The following RASA2 variants were observed in gnomAD, a reference collection of about 807,000 sequenced individuals.
RASA2 encodes the protein ras GTPase-activating protein 2.
RASA2 carries 155 observed loss-of-function variants against 118.2 expected under a neutral mutation model. The observed-to-expected ratio is 1.31, with a 90% CI of 1.15 to 1.50. RASA2 has a LOEUF of 1.50. RASA2 is among the 40% of genes most tolerant of loss of function. The probability of loss-of-function intolerance (pLI) is 0.00; values close to 1 mark genes in which losing one functional copy is unlikely to be tolerated. For synonymous variants in RASA2, 353 were observed against 349.1 expected (o/e 1.01, Z -0.12); for missense variants, 1,016 against 1,009.6 (o/e 1.01, Z -0.09).
chr3:141,536,390 A>G (rs572277289), intron 4 of RASA2, among the ~76,000 whole-genome samples: 22 of 152,278 alleles, frequency 1.4e-4, no homozygotes, highest in Non-Finnish European at 7.4e-5. Context: ...CCCACAACAC[A>G]TGGGAATTCT....
chr3:141,490,931 T>G (rs1364077036), intron 1 of RASA2, among the ~76,000 whole-genome samples: 1 of 152,194 alleles, frequency 6.6e-6, no homozygotes, highest in Non-Finnish European at 1.5e-5. Context: ...CTGCTCTTTC[T>G]CACTCCCCAG....
intron 19 of RASA2, among the ~76,000 whole-genome samples, chr3:141,603,555 G>C (rs2107796415): frequency 6.6e-6 from 1 of 151,990 alleles, no homozygotes; most frequent in Middle Eastern, 3.4e-3. Flanking sequence ...TGGGTGATGA[G>C]AGCAAAACTC....
intron 3 of RASA2, among the ~76,000 whole-genome samples, chr3:141,520,150 T>C (rs59251956): frequency 0.015 from 2,316 of 151,682 alleles, 60 homozygotes; most frequent in African/African-American, 0.053. Flanking sequence ...GTAGCTGGGA[T>C]TACAGGCATG....
intron 11 of RASA2, among the ~76,000 whole-genome samples, 167 bp downstream of exon 11, chr3:141,571,721 A>G (rs998402868): frequency 3.3e-5 from 5 of 152,344 alleles, no homozygotes; most frequent in Admixed American, 2.6e-4. Flanking sequence ...GCTATCAAAC[A>G]GTATTCACCT....
intron 9 of RASA2, 25 bp downstream of exon 9, chr3:141,560,020 C>T: frequency 6.4e-7 from 1 of 1,555,576 alleles, no homozygotes; most frequent in Non-Finnish European, 8.9e-7. Context: ...TTTTAGTGAA[C>T]TCCATAGTTT....
chr3:141,606,437 T>C (rs951327097), intron 19 of RASA2, among the ~76,000 whole-genome samples: 1 of 152,234 alleles, frequency 6.6e-6, no homozygotes. Context: ...CCTCAGTTTA[T>C]TTTCATTGTA....
At chr3:141,570,886 T>C in intron 9 of RASA2, 26 bp from the exon 10 acceptor site, 1 of 1,584,960 alleles carries the variant, frequency 6.3e-7, no homozygotes. Context: ...TTCCATCACA[T>C]GGAATCACTT....
At chr3:141,588,983 A>C (rs1299939690) in intron 19 of RASA2, among the ~76,000 whole-genome samples, 2 of 151,876 alleles carry the variant, frequency 1.3e-5, no homozygotes, top group Non-Finnish European at 2.9e-5. Context: ...CTGGGATTAC[A>C]GGCGCCCGCC....
Position 141,586,692 on chromosome 3 carries a change from A to G in RASA2, c.1873A>G (p.Asn625Asp). 1.2e-6 allele frequency: 2 copies of G among 1,613,710 alleles called. No individual in the cohort carries two copies. The highest frequency in any genetic ancestry group is 1.7e-6 in the Non-Finnish European group (2 of 1,179,766). Residue 625 changes from asparagine to aspartate, a missense_variant, in exon 19 of 24, where the codon AAT becomes GAT. Physicochemically the swap from Asn to Asp is conservative, Grantham distance 23 (BLOSUM62 1). This residue lies in a region of RASA2 where 896 missense variants were observed against 836.4 expected (regional missense o/e 1.07). Transcript: ENST00000286364. ...AQGRTRIGKK[N>D]FKKRWFCLTS... Reference sequence around the variant, plus strand: ...AGGAAGAACTCGGATTGGAAAAAAGAATTTTAAGAAACGATGGTTCTGCTT... The same window carrying G: ...AGGAAGAACTCGGATTGGAAAAAAGGATTTTAAGAAACGATGGTTCTGCTT...
chr3:141,576,408 T>C (rs1320332500), intron 14 of RASA2, among the ~76,000 whole-genome samples: 1 of 152,226 alleles, frequency 6.6e-6, no homozygotes, highest in Non-Finnish European at 1.5e-5. Flanking sequence ...CACCACCATC[T>C]GTCTGATTGT....
At chr3:141,498,971 C>T (rs112400885) in intron 1 of RASA2, among the ~76,000 whole-genome samples, 5 of 152,216 alleles carry the variant, frequency 3.3e-5, no homozygotes, top group African/African-American at 1.2e-4. Flanking sequence ...AAAACTGAAA[C>T]CGGAAGTGGG....
intron 15 of RASA2, among the ~76,000 whole-genome samples, chr3:141,577,869 A>G (rs2083038667): frequency 6.6e-6 from 1 of 152,164 alleles, no homozygotes; most frequent in South Asian, 2.1e-4. Flanking sequence ...CCAAAAATCT[A>G]AATCTCCACT....
At chr3:141,558,772 G>T (rs2082686075) in intron 7 of RASA2, 114 bp from the exon 8 acceptor site, 1 of 817,754 alleles carries the variant, frequency 1.2e-6, no homozygotes, top group Non-Finnish European at 2.0e-6. Context: ...ATATTACTTG[G>T]ACATTTTCCT....
chr3:141,496,195 G>A (rs1376923795), intron 1 of RASA2, among the ~76,000 whole-genome samples: 2 of 152,112 alleles, frequency 1.3e-5, no homozygotes. Flanking sequence ...TTAAATGTTA[G>A]ACCTAAAACC....
At chr3:141,601,317 C>G (rs1287517848) in intron 19 of RASA2, among the ~76,000 whole-genome samples, 1 of 152,052 alleles carries the variant, frequency 6.6e-6, no homozygotes, top group Non-Finnish European at 1.5e-5. Flanking sequence ...ATCCCAGCTA[C>G]TCAGGAAGCT....
chr3:141,603,571 CA>C (rs966339259), intron 19 of RASA2, among the ~76,000 whole-genome samples: 1 of 148,966 alleles, frequency 6.7e-6, no homozygotes, highest in Non-Finnish European at 1.5e-5. Context: ...AACTCTGTCT[CA>C]AAAAAAAATA....
intron 3 of RASA2, among the ~76,000 whole-genome samples, chr3:141,524,353 A>C (rs1259229096): frequency 6.6e-6 from 1 of 152,184 alleles, no homozygotes; most frequent in East Asian, 1.9e-4. Context: ...CACATAATCC[A>C]AGAGTCAGTG....
intron 19 of RASA2, among the ~76,000 whole-genome samples, chr3:141,596,006 A>G (rs12107989): frequency 0.046 from 7,065 of 152,294 alleles, 552 homozygotes; most frequent in African/African-American, 0.16. Flanking sequence ...GTTTGAAATA[A>G]TACTATCAGT....
intron 1 of RASA2, among the ~76,000 whole-genome samples, chr3:141,498,011 T>C (rs2081728697): frequency 6.6e-6 from 1 of 152,222 alleles, no homozygotes; most frequent in East Asian, 1.9e-4. Context: ...CTGAAAATTT[T>C]GGATCCTTTA....
Sources: allele counts gnomAD v4.1 joint callset (sites outside exome capture counted in the v4.1 genomes callset), GRCh38; gene constraint gnomAD v4.1.1; regional missense constraint gnomAD v4.1.1; transcripts MANE v1.5; gene names NCBI Gene and HGNC (gene_info 2026-07-23, HGNC 2026-07-21).